AAMDC: variants seen among roughly 807,000 people sequenced by gnomAD.
AAMDC encodes mth938 domain-containing protein.
A neutral mutation model predicts 15.5 loss-of-function variants in AAMDC; 16 were observed. The ratio of observed to expected loss-of-function variants is 1.03; its 90% CI spans 0.70 to 1.57. The LOEUF (loss-of-function observed/expected upper bound fraction) is 1.57, where lower values mean the gene tolerates loss of function less well. Ranked by LOEUF, AAMDC falls within the 40% of genes most tolerant of loss-of-function variation. The pLI is 0.00. For synonymous variants in AAMDC, 51 were observed against 51.6 expected, an observed-to-expected ratio of 0.99 and a Z score of 0.05; for missense variants, 141 against 144.9, an observed-to-expected ratio of 0.97 and a Z score of 0.14.
At chr11:77,901,553 T>C, downstream of AAMDC, 1 of 1,595,668 alleles carries the variant, frequency 6.3e-7, no homozygotes, top group Middle Eastern at 1.7e-4. Flanking sequence ...TTCCATAATC[T>C]ATAAAGGAAA....
chr11:77,891,655 C>T (rs749480576), intron 5 of AAMDC: 136 of 1,610,514 alleles, frequency 8.4e-5, no homozygotes, highest in Non-Finnish European at 1.1e-4. Flanking sequence ...ACAGATTTGG[C>T]CTACAGGGGC....
rs71473358 is a variant in AAMDC, at chr11:77,858,302, C to CTTTTTTTTTTTTTT, written c.133-11408_133-11395dup. Among the ~76,000 whole-genome samples, 43 of 69,360 alleles carry CTTTTTTTTTTTTTT rather than the reference C, an allele frequency of 6.2e-4. 1 individual carries two copies. The highest frequency in any genetic ancestry group is 0.019 in the Middle Eastern group (1 of 52). The allele number at this position is 69,360 out of a possible 152,430, so 45.5% of individuals were successfully genotyped here. A position where few individuals can be genotyped will look rare whatever the true frequency, so the allele number is the denominator to read the frequency against. On this transcript the variant is annotated intron_variant, in intron 2 of 3. Coordinates refer to ENST00000393427, the MANE Select transcript of AAMDC (RefSeq NM_024684.4). The stretch of plus-strand genomic sequence containing the variant: ...CTCCACCTCCTGCGTTTAAGCAATT[C>CTTTTTTTTTTTTTT]TTTTTTTTTTTTTTTTTTTTTTTTT...
intron 5 of AAMDC, among the ~76,000 whole-genome samples, chr11:77,878,361 CAA>C (rs35818983): frequency 3.2e-5 from 4 of 126,820 alleles, no homozygotes; most frequent in Admixed American, 8.1e-5. Context: ...GACTCCATCT[CAA>C]AAAAAAAAAA....
intron 1 of AAMDC, among the ~76,000 whole-genome samples, chr11:77,836,116 G>A (rs1409060683): frequency 1.3e-5 from 2 of 152,032 alleles, no homozygotes; most frequent in African/African-American, 4.8e-5. Context: ...TACATAGTAG[G>A]TTCCCAATAA....
At chr11:77,904,054 T>G (rs1279710612), downstream of AAMDC, among the ~76,000 whole-genome samples, 1 of 152,204 alleles carries the variant, frequency 6.6e-6, no homozygotes, top group African/African-American at 2.4e-5. Flanking sequence ...CCCAACCACT[T>G]TATCAACATA....
chr11:77,876,084 C>T (rs565769541), downstream of AAMDC, among the ~76,000 whole-genome samples: 18 of 152,234 alleles, frequency 1.2e-4, no homozygotes, highest in Non-Finnish European at 2.4e-4. Context: ...CATCAGTATA[C>T]AAACAGTATA....
At chr11:77,880,084 G>A (rs896289080) in intron 5 of AAMDC, among the ~76,000 whole-genome samples, 5 of 152,212 alleles carry the variant, frequency 3.3e-5, no homozygotes, top group African/African-American at 1.2e-4. Context: ...TCAGAAAAAT[G>A]TAAGGGCAAG....
chr11:77,862,537 T>C (rs1281867527), intron 2 of AAMDC, among the ~76,000 whole-genome samples: 2 of 152,186 alleles, frequency 1.3e-5, no homozygotes, highest in African/African-American at 4.8e-5. Context: ...CTTTGGTTCA[T>C]TGTTTACCCC....
downstream of AAMDC, chr11:77,872,377 C>T: frequency 6.5e-7 from 1 of 1,535,048 alleles, no homozygotes; most frequent in East Asian, 2.3e-5. Flanking sequence ...ACTCACCATT[C>T]TCCAAACCAG....
At chr11:77,845,375 A>G (rs918928934) in intron 2 of AAMDC, among the ~76,000 whole-genome samples, 1 of 151,862 alleles carries the variant, frequency 6.6e-6, no homozygotes, top group Non-Finnish European at 1.5e-5. Context: ...GAGCCCCTGT[A>G]GTGACATTTT....
At chr11:77,827,138 T>A (rs1949215578) in intron 1 of AAMDC, among the ~76,000 whole-genome samples, 2 of 151,878 alleles carry the variant, frequency 1.3e-5, no homozygotes, top group African/African-American at 4.8e-5. Flanking sequence ...AATTTGAAAT[T>A]TGCCCCTGGC....
intron 2 of AAMDC, among the ~76,000 whole-genome samples, chr11:77,864,170 G>A (rs1458083444): frequency 5.9e-5 from 9 of 151,888 alleles, no homozygotes; most frequent in Admixed American, 2.0e-4. Context: ...CAGGTGATAC[G>A]CCCGCCTCAG....
intron 2 of AAMDC, among the ~76,000 whole-genome samples, chr11:77,861,565 A>C (rs1950878900): frequency 6.6e-6 from 1 of 152,136 alleles, no homozygotes; most frequent in Non-Finnish European, 1.5e-5. Context: ...ATGGCTTCTG[A>C]CTCAGAGGAC....
intron 2 of AAMDC, among the ~76,000 whole-genome samples, chr11:77,866,033 A>C (rs914776806): frequency 2.6e-5 from 4 of 152,246 alleles, no homozygotes; most frequent in African/African-American, 9.6e-5. Flanking sequence ...TTTAAACTTC[A>C]CTCACAGAAT....
chr11:77,844,581 T>G (rs144497808), intron 2 of AAMDC, among the ~76,000 whole-genome samples: 80 of 152,206 alleles, frequency 5.3e-4, no homozygotes, highest in African/African-American at 1.9e-3. Flanking sequence ...AGGCTGGTCT[T>G]GAACTCCTGA....
intron 2 of AAMDC, among the ~76,000 whole-genome samples, chr11:77,860,639 A>C (rs1950837089): frequency 6.6e-6 from 1 of 152,212 alleles, no homozygotes; most frequent in Non-Finnish European, 1.5e-5. Flanking sequence ...TCTTGGGCTA[A>C]TGCCTGGCCA....
At position 77,833,948 on chromosome 11, in the gene AAMDC, G is replaced by C. The variant is rs141592084; in HGVS notation, c.-18-8531G>C. 2.8e-4 allele frequency among the ~76,000 whole-genome samples: 43 copies of C among 152,198 alleles called. No homozygotes were observed. In the East Asian group the frequency reaches 7.5e-3, roughly 27 times the overall value. ...TGTTAGAAGCTCAAAAATGTTTCTT[G>C]AACAGAAATAAATTGAAAAGGCAAC... On this transcript the variant is annotated intron_variant, in intron 1 of 3. Coordinates refer to ENST00000393427, the MANE Select transcript of AAMDC (RefSeq NM_024684.4).
intron 2 of AAMDC, among the ~76,000 whole-genome samples, chr11:77,868,064 T>TA (rs2136292335): frequency 6.6e-6 from 1 of 151,412 alleles, no homozygotes; most frequent in Non-Finnish European, 1.5e-5. Context: ...GAGCCTTTTT[T>TA]TTTTTTTTTG....
intron 2 of AAMDC, among the ~76,000 whole-genome samples, chr11:77,864,234 T>C (rs1015946811): frequency 2.0e-5 from 3 of 152,050 alleles, no homozygotes; most frequent in Non-Finnish European, 4.4e-5. Context: ...GCCAAGATGA[T>C]CCCTTTAATA....
Sources: allele counts gnomAD v4.1 joint callset (sites outside exome capture counted in the v4.1 genomes callset), GRCh38; gene constraint gnomAD v4.1.1; transcripts MANE v1.5; gene names NCBI Gene and HGNC (gene_info 2026-07-23, HGNC 2026-07-21).